EP300: variants seen among roughly 807,000 people sequenced by gnomAD.
EP300 encodes histone acetyltransferase p300.
Under a neutral mutation model 264.0 loss-of-function variants are expected in EP300, and 31 were observed. The observed-to-expected ratio is 0.12, with a 90% CI of 0.09 to 0.16. The LOEUF (loss-of-function observed/expected upper bound fraction) is 0.16, where lower values mean the gene tolerates loss of function less well. EP300 is among the 10% of genes least tolerant of loss of function. EP300 has a pLI of 1.00. For synonymous variants in EP300, 1,340 were observed against 1,045.4 expected (o/e 1.28, Z -5.44); for missense variants, 2,766 against 3,052.9 (o/e 0.91, Z 2.21).
chr22:41,167,814 G>GGTTTTTTTTTTGTTTTTTTTTTTTT (rs71328778), intron 23 of EP300, among the ~76,000 whole-genome samples: 2 of 66,208 alleles, frequency 3.0e-5, no homozygotes, highest in Admixed American at 2.7e-4. Flanking sequence ...GTTTGTTTTT[G>GGTTTTTTTTTTGTTTTTTTTTTTTT]TTTTTTTTTT....
At chr22:41,160,115 T>C (rs2059099374) in intron 19 of EP300, 1 of 158,838 alleles carries the variant, frequency 6.3e-6, no homozygotes, top group Admixed American at 6.1e-5. Flanking sequence ...AGTTCTTCTC[T>C]CCCTGGTATA....
At chr22:41,160,584 C>A (rs2145752138) in intron 19 of EP300, 58 bp from the exon 20 acceptor site, 1 of 1,566,716 alleles carries the variant, frequency 6.4e-7, no homozygotes, top group Non-Finnish European at 8.8e-7. Flanking sequence ...CGTTGCTTGG[C>A]TTGGGCTGTG....
chr22:41,129,018 G>GT (rs545122020), intron 4 of EP300, among the ~76,000 whole-genome samples: 267 of 147,472 alleles, frequency 1.8e-3, no homozygotes, highest in African/African-American at 5.2e-3. Context: ...TAAAAACACA[G>GT]TTTTTTTTTT....
intron 16 of EP300, among the ~76,000 whole-genome samples, chr22:41,154,058 A>T (rs1487948558): frequency 6.6e-6 from 1 of 152,228 alleles, no homozygotes; most frequent in Non-Finnish European, 1.5e-5. Context: ...CTTTTTGGGA[A>T]ATATCATTGA....
chr22:41,170,269 T>G (rs1601634071), intron 26 of EP300, 137 bp from the exon 27 acceptor site: 2 of 764,748 alleles, frequency 2.6e-6, no homozygotes, highest in East Asian at 5.4e-5. Context: ...GTTAATCTCA[T>G]TCTGGGTTAT....
intron 10 of EP300, among the ~76,000 whole-genome samples, chr22:41,142,247 T>G (rs1034095414): frequency 6.6e-6 from 1 of 152,230 alleles, no homozygotes; most frequent in African/African-American, 2.4e-5. Flanking sequence ...AAGTGCCAAC[T>G]GAGCCAGCGG....
chr22:41,113,012 G>A (rs932582334), intron 1 of EP300, among the ~76,000 whole-genome samples: 15 of 151,812 alleles, frequency 9.9e-5, no homozygotes, highest in African/African-American at 3.2e-4. Flanking sequence ...TCAGTAAAAA[G>A]GATTTATTTT....
At chr22:41,100,613 T>C (rs542615036) in intron 1 of EP300, among the ~76,000 whole-genome samples, 24 of 152,306 alleles carry the variant, frequency 1.6e-4, no homozygotes, top group African/African-American at 5.3e-4. Flanking sequence ...TTCTTGTCAT[T>C]ATTCCCTAAA....
chr22:41,149,181 T>A lies in EP300; in HGVS notation c.2379+6T>A, dbSNP rs532235450. On this transcript the variant is annotated splice_donor_region_variant and intron_variant, in intron 13 of 30. Transcript: ENST00000263253. ...GTCAAGCTCCAGTGTCTCAAGTATG[T>A]CTCATAAGTGGATTTTTCACTTATT... The A allele has an allele frequency of 6.2e-7, 1 of 1,614,184 alleles. No homozygotes were observed. The highest frequency in any genetic ancestry group is 1.1e-5 in the South Asian group (1 of 91,088).
At position 41,177,376 on chromosome 22, in the gene EP300, A is replaced by G. The variant is rs751791250; in HGVS notation, c.5665A>G (p.Arg1889Gly). The G allele has an allele frequency of 6.2e-7, 1 of 1,614,000 alleles. No homozygotes were observed. ...PPNSMPPYLPRTQAAGPVSQG... is the reference protein window; with the variant it reads ...PPNSMPPYLPGTQAAGPVSQG... ...CAATAGCATGCCACCCTACTTGCCC[A>G]GGACTCAAGCTGCTGGCCCTGTGTC... The change falls in exon 31 of 31, where the codon AGG becomes GGG. Residue 1889 changes from arginine (R) to glycine (G), a missense_variant. Physicochemically the swap from Arg to Gly is moderately radical, Grantham distance 125. Coordinates refer to ENST00000263253, the MANE Select transcript of EP300 (RefSeq NM_001429.4).
intron 10 of EP300, 120 bp downstream of exon 10, chr22:41,141,342 G>A (rs2058981158): frequency 2.7e-6 from 3 of 1,131,214 alleles, no homozygotes; most frequent in Non-Finnish European, 3.8e-6. Context: ...ATAACCATTT[G>A]CCTTTGCAAA....
intron 11 of EP300, 50 bp downstream of exon 11, chr22:41,146,866 G>A (rs758341235): frequency 1.2e-5 from 18 of 1,497,720 alleles, no homozygotes; most frequent in Non-Finnish European, 1.6e-5. Context: ...CCGGTGTACT[G>A]CAAGATAATA....
At chr22:41,175,533 AAAGACT>A (rs1292546859) in intron 29 of EP300, among the ~76,000 whole-genome samples, 4 of 152,232 alleles carry the variant, frequency 2.6e-5, no homozygotes, top group African/African-American at 4.8e-5. Flanking sequence ...CTTTGTCAAC[AAAGACT>A]AAGATTTTTT....
intron 6 of EP300, among the ~76,000 whole-genome samples, chr22:41,135,396 A>G (rs2058944731): frequency 6.6e-6 from 1 of 152,094 alleles, no homozygotes; most frequent in South Asian, 2.1e-4. Context: ...TTTTATATAT[A>G]TGCACAATTA....
In EP300 at chr22:41,092,610, G is replaced by C. The variant is rs1401628663; in HGVS notation, c.-395G>C. Reference sequence around the variant, plus strand: ...TGGCGATGAGAAGGAGGAGGACAGCGCCGAGGAGGAAGAGGTTGATGGCGG... The same window carrying C: ...TGGCGATGAGAAGGAGGAGGACAGCCCCGAGGAGGAAGAGGTTGATGGCGG... On this transcript the variant is annotated 5_prime_UTR_variant, in exon 1 of 31. Transcript: ENST00000263253. 3.2e-6 allele frequency: 2 copies of C among 624,028 alleles called. No individual in the cohort carries two copies. Among genetic ancestry groups the C allele is most frequent in the African/African-American group, 3.7e-5 (2 of 53,448 alleles). The allele number at this position is 624,028 out of a possible 1,614,324, so 38.7% of individuals were successfully genotyped here.
intron 10 of EP300, among the ~76,000 whole-genome samples, chr22:41,145,715 C>T (rs941135466): frequency 6.6e-6 from 1 of 152,194 alleles, no homozygotes; most frequent in African/African-American, 2.4e-5. Context: ...GCTCCACCTC[C>T]CGGGGTCATG....
rs587778260 is a variant in EP300, at chr22:41,178,297, G to A, written c.6586G>A (p.Gly2196Arg). The A allele has an allele frequency of 6.2e-7, 1 of 1,614,132 alleles. No homozygotes were observed. The highest frequency in any genetic ancestry group is 8.5e-7 in the Non-Finnish European group (1 of 1,180,030). The change falls in exon 31 of 31, where the codon GGA becomes AGA. Residue 2196 changes from glycine (G) to arginine (R), a missense_variant. Transcript: ENST00000263253. ...QQMMQQQQQQ[G>R]AGPGIGPGMA... is the part of the protein sequence containing the mutation. Reference sequence around the variant, plus strand: ...AATGATGCAACAGCAGCAGCAACAGGGAGCAGGGCCAGGAATAGGCCCTGG... The same window carrying A: ...AATGATGCAACAGCAGCAGCAACAGAGAGCAGGGCCAGGAATAGGCCCTGG...
intron 6 of EP300, among the ~76,000 whole-genome samples, chr22:41,134,798 T>C (rs1309573742): frequency 6.6e-6 from 1 of 152,244 alleles, no homozygotes; most frequent in East Asian, 1.9e-4. Flanking sequence ...CTCTTCTGTA[T>C]TGAAAATAAC....
chr22:41,178,013 C>T lies in EP300; in HGVS notation c.6302C>T (p.Pro2101Leu), dbSNP rs1569121857. 5 of 1,614,214 alleles carry T rather than the reference C, an allele frequency of 3.1e-6. 1 individual carries two copies. The South Asian group carries it at 3.3e-5, about 11-fold the overall frequency. Residue 2101 changes from proline (P) to leucine (L), a missense_variant, in exon 31 of 31, where the codon CCT becomes CTT. Physicochemically the swap from Pro to Leu is moderately conservative, Grantham distance 98. Transcript: ENST00000263253. ...GCCAACTCTAATCCACAACCCATCC[C>T]TGGGCAGCCTGGCATGCCCCAGGGG... The part of the protein sequence containing the change: ...KYANSNPQPI[P>L]GQPGMPQGQP...
Sources: allele counts gnomAD v4.1 joint callset (sites outside exome capture counted in the v4.1 genomes callset), GRCh38; gene constraint gnomAD v4.1.1; transcripts MANE v1.5; gene names NCBI Gene and HGNC (gene_info 2026-07-23, HGNC 2026-07-21).